Variants in TSPAN2 observed in about 807,000 individuals in gnomAD.
TSPAN2 encodes tetraspanin-2.
TSPAN2 carries 24 observed loss-of-function variants against 33.3 expected under a neutral mutation model. The observed-to-expected ratio is 0.72, with a 90% CI of 0.52 to 1.01. The LOEUF is 1.01. Ranked by LOEUF, TSPAN2 falls within the 50% of genes least tolerant of loss-of-function variation. TSPAN2 has a pLI of 0.00. For missense variants in TSPAN2, 278 were observed against 281.3 expected (o/e 0.99, Z 0.08); for synonymous variants, 114 against 104.5 (o/e 1.09, Z -0.56).
chr1:115,065,642 T>C (rs1647924621), intron 2 of TSPAN2, among the ~76,000 whole-genome samples: 1 of 152,226 alleles, frequency 6.6e-6, no homozygotes, highest in African/African-American at 2.4e-5. Flanking sequence ...ATAATAGTTG[T>C]ACACATTTTG....
chr1:115,057,413 C>T (rs1169723427), intron 6 of TSPAN2, 124 bp downstream of exon 6: 2 of 909,750 alleles, frequency 2.2e-6, no homozygotes, highest in Non-Finnish European at 3.6e-6. Context: ...TCCATCAATC[C>T]TCTATGCTGC....
chr1:115,085,237 G>A (rs1438686000), intron 1 of TSPAN2, among the ~76,000 whole-genome samples: 1 of 152,188 alleles, frequency 6.6e-6, no homozygotes, highest in East Asian at 1.9e-4. Context: ...CATCAACCAC[G>A]ATAAGAGAAA....
chr1:115,063,448 G>A (rs1351881723), intron 2 of TSPAN2, among the ~76,000 whole-genome samples: 1 of 152,184 alleles, frequency 6.6e-6, no homozygotes, highest in Non-Finnish European at 1.5e-5. Context: ...GGGAGTAAAG[G>A]GGACACTTTA....
chr1:115,088,633 C>A (rs895338284), intron 1 of TSPAN2, among the ~76,000 whole-genome samples: 3 of 152,176 alleles, frequency 2.0e-5, no homozygotes, highest in Non-Finnish European at 4.4e-5. Context: ...TCAAACCCTG[C>A]AAAGTTGAAT....
chr1:115,071,795 C>T (rs890407990), intron 2 of TSPAN2, among the ~76,000 whole-genome samples: 4 of 152,202 alleles, frequency 2.6e-5, no homozygotes, highest in Admixed American at 2.0e-4. Context: ...CTCTTTTCCT[C>T]GCAGGAGGAT....
intron 2 of TSPAN2, among the ~76,000 whole-genome samples, chr1:115,071,890 C>T (rs192699344): frequency 2.0e-5 from 3 of 151,512 alleles, no homozygotes; most frequent in Non-Finnish European, 2.9e-5. Flanking sequence ...TGAGTGGGGC[C>T]TGCGCTCTCT....
intron 2 of TSPAN2, among the ~76,000 whole-genome samples, chr1:115,063,777 C>T (rs1647821125): frequency 6.6e-6 from 1 of 152,142 alleles, no homozygotes; most frequent in African/African-American, 2.4e-5. Context: ...CAGCTGGAGG[C>T]CATTATCCTA....
intron 1 of TSPAN2, among the ~76,000 whole-genome samples, chr1:115,074,398 C>T (rs933673673): frequency 1.3e-5 from 2 of 152,100 alleles, no homozygotes; most frequent in Admixed American, 6.6e-5. Flanking sequence ...AAAAGAGGTG[C>T]GACCTCAGTG....
intron 2 of TSPAN2, among the ~76,000 whole-genome samples, chr1:115,072,359 C>T (rs906920153): frequency 1.3e-5 from 2 of 152,170 alleles, no homozygotes; most frequent in African/African-American, 2.4e-5. Flanking sequence ...TCCTCCCCTC[C>T]ACTCTGCAGT....
At chr1:115,051,297 T>C (rs568638382) in intron 7 of TSPAN2, among the ~76,000 whole-genome samples, 1 of 152,094 alleles carries the variant, frequency 6.6e-6, no homozygotes, top group African/African-American at 2.4e-5. Context: ...AGAGACCCTG[T>C]CTCACAAAAA....
At chr1:115,060,590 A>G in intron 3 of TSPAN2, 52 bp from the exon 4 acceptor site, 1 of 1,461,810 alleles carries the variant, frequency 6.8e-7, no homozygotes, top group Non-Finnish European at 9.5e-7. Flanking sequence ...TTTTCAATTT[A>G]TATATTTTGC....
intron 6 of TSPAN2, among the ~76,000 whole-genome samples, chr1:115,057,302 C>T (rs1474693385): frequency 6.6e-6 from 1 of 152,184 alleles, no homozygotes; most frequent in Non-Finnish European, 1.5e-5. Flanking sequence ...GGTCACCACT[C>T]CTGTAGTTGT....
chr1:115,063,755 G>A (rs1647820063), intron 2 of TSPAN2, among the ~76,000 whole-genome samples: 1 of 152,184 alleles, frequency 6.6e-6, no homozygotes, highest in Non-Finnish European at 1.5e-5. Flanking sequence ...GCCCTTTGCA[G>A]CAACATGAAT....
chr1:115,063,756 C>G (rs1429553380), intron 2 of TSPAN2, among the ~76,000 whole-genome samples: 1 of 152,178 alleles, frequency 6.6e-6, no homozygotes, highest in Non-Finnish European at 1.5e-5. Context: ...CCCTTTGCAG[C>G]AACATGAATG....
At chr1:115,083,272 T>A (rs1427212390) in intron 1 of TSPAN2, among the ~76,000 whole-genome samples, 1 of 152,214 alleles carries the variant, frequency 6.6e-6, no homozygotes, top group Admixed American at 6.5e-5. Flanking sequence ...TTGTCACACA[T>A]GGTTGGAGAC....
intron 2 of TSPAN2, among the ~76,000 whole-genome samples, chr1:115,065,251 GCCATAAGGCCA>G (rs1443750125): frequency 1.3e-5 from 2 of 152,326 alleles, no homozygotes; most frequent in Non-Finnish European, 1.5e-5. Context: ...TACTCCGCAT[GCCATAAGGCCA>G]CCTGTGGCTT....
At chr1:115,059,603 A>G (rs1647586688) in intron 4 of TSPAN2, among the ~76,000 whole-genome samples, 1 of 152,252 alleles carries the variant, frequency 6.6e-6, no homozygotes, top group Non-Finnish European at 1.5e-5. Flanking sequence ...TCACCAAGGA[A>G]AACTTTCTAC....
intron 1 of TSPAN2, among the ~76,000 whole-genome samples, chr1:115,073,905 G>C (rs536942266): frequency 2.0e-5 from 3 of 152,130 alleles, no homozygotes; most frequent in Admixed American, 1.3e-4. Flanking sequence ...TCATTGCTGC[G>C]TGCCAGCAGG....
At chr1:115,087,701 A>G (rs1648897868) in intron 1 of TSPAN2, among the ~76,000 whole-genome samples, 1 of 152,088 alleles carries the variant, frequency 6.6e-6, no homozygotes, top group South Asian at 2.1e-4. Context: ...AGGTGACTTA[A>G]CCAATTTGAG....
Sources: gnomAD v4.1 joint callset for allele counts (sites outside exome capture counted in the v4.1 genomes callset) on GRCh38, gnomAD v4.1.1 for gene constraint, MANE v1.5 for transcripts, NCBI Gene and HGNC (gene_info 2026-07-23, HGNC 2026-07-21) for gene names.